Variants in ITGA9 observed in about 807,000 individuals in gnomAD.
The protein encoded by ITGA9 is integrin alpha-9.
ITGA9 carries 56 observed loss-of-function variants against 127.8 expected under a neutral mutation model. The observed-to-expected ratio is 0.44, with a 90% CI of 0.35 to 0.55. The LOEUF (loss-of-function observed/expected upper bound fraction) is 0.55, where lower values mean the gene tolerates loss of function less well. ITGA9 is among the 20% of genes least tolerant of loss of function. The pLI, the probability that ITGA9 is intolerant of heterozygous loss-of-function variation, is 0.00. For missense variants in ITGA9, 1,196 were observed against 1,347.1 expected (o/e 0.89, Z 1.76); for synonymous variants, 508 against 514.5 (o/e 0.99, Z 0.17).
intron 27 of ITGA9, among the ~76,000 whole-genome samples, chr3:37,809,915 C>T (rs376009736): frequency 4.1e-4 from 63 of 152,260 alleles, no homozygotes; most frequent in South Asian, 1.0e-3. Context: ...TTGACTTATA[C>T]GGGAGGTCTT....
chr3:37,686,780 C>T (rs1027065056), intron 18 of ITGA9, among the ~76,000 whole-genome samples: 22 of 152,246 alleles, frequency 1.4e-4, no homozygotes, highest in African/African-American at 4.8e-4. Flanking sequence ...ATGGGCAAGA[C>T]GACCCTCAGG....
chr3:37,698,721 G>T (rs535726294), intron 18 of ITGA9, among the ~76,000 whole-genome samples: 63 of 152,096 alleles, frequency 4.1e-4, no homozygotes, highest in Admixed American at 7.9e-4. Context: ...TGGCTCAAAG[G>T]GTCACTGTTT....
At chr3:37,617,088 C>T (rs1018463212) in intron 15 of ITGA9, among the ~76,000 whole-genome samples, 16 of 152,208 alleles carry the variant, frequency 1.1e-4, no homozygotes, top group African/African-American at 3.9e-4. Flanking sequence ...CATGTTTTTG[C>T]AGTGGCTGGT....
chr3:37,701,772 T>C (rs1225788218), intron 18 of ITGA9, among the ~76,000 whole-genome samples: 1 of 152,180 alleles, frequency 6.6e-6, no homozygotes, highest in Non-Finnish European at 1.5e-5. Flanking sequence ...ACTTCTGGCT[T>C]CTCAGTGACT....
chr3:37,467,058 A>G (rs1384468040), intron 1 of ITGA9, among the ~76,000 whole-genome samples: 2 of 152,080 alleles, frequency 1.3e-5, no homozygotes, highest in Non-Finnish European at 2.9e-5. Context: ...TTCAGAAAAG[A>G]CTCACTCATG....
At chr3:37,634,339 A>C (rs1232647925) in intron 16 of ITGA9, among the ~76,000 whole-genome samples, 1 of 151,756 alleles carries the variant, frequency 6.6e-6, no homozygotes, top group African/African-American at 2.4e-5. Flanking sequence ...AAAAAACAAG[A>C]CCTAACTATA....
chr3:37,488,732 C>T (rs370923456), intron 4 of ITGA9, among the ~76,000 whole-genome samples: 15 of 150,218 alleles, frequency 1.0e-4, no homozygotes, highest in East Asian at 7.8e-4. Flanking sequence ...TGGGAGGCGG[C>T]GGTTGTGGTG....
chr3:37,810,964 T>G (rs936592823), intron 27 of ITGA9, among the ~76,000 whole-genome samples: 2 of 152,224 alleles, frequency 1.3e-5, no homozygotes, highest in Admixed American at 6.5e-5. Context: ...TCTGACCCTG[T>G]GCAGCTCCTG....
At chr3:37,579,436 GAGA>G (rs1382748087) in intron 15 of ITGA9, among the ~76,000 whole-genome samples, 1 of 152,152 alleles carries the variant, frequency 6.6e-6, no homozygotes, top group East Asian at 1.9e-4. Flanking sequence ...AGAAGGAAGA[GAGA>G]AGATTACAAA....
chr3:37,634,025 AC>A (rs1463427058), intron 16 of ITGA9, among the ~76,000 whole-genome samples: 1 of 152,214 alleles, frequency 6.6e-6, no homozygotes, highest in African/African-American at 2.4e-5. Flanking sequence ...TGATAAAATA[AC>A]CAGTTATAAC....
intron 18 of ITGA9, among the ~76,000 whole-genome samples, chr3:37,723,429 C>T (rs1010930595): frequency 1.3e-5 from 2 of 152,158 alleles, no homozygotes; most frequent in South Asian, 2.1e-4. Context: ...AGTGCGATCT[C>T]GGCTCACTGC....
At chr3:37,465,009 C>A (rs759934424) in intron 1 of ITGA9, among the ~76,000 whole-genome samples, 3 of 152,222 alleles carry the variant, frequency 2.0e-5, no homozygotes, top group Non-Finnish European at 4.4e-5. Flanking sequence ...ACTCATGTAA[C>A]CAAAACGTGG....
In ITGA9 at chr3:37,822,325, A is replaced by C. The variant is rs748951779; in HGVS notation, c.*3336A>C. ...TAAAACAGTGCCCCTTTTTTAAAAA[A>C]AGTTTTGCTTATGCTTAATTTACAT... On this transcript the variant is annotated 3_prime_UTR_variant, in exon 28 of 28. Transcript: ENST00000264741. 6 of 150,738 alleles carry C rather than the reference A, an allele frequency of 4.0e-5. No homozygotes were observed. Among genetic ancestry groups the C allele is most frequent in the Admixed American group, 6.6e-5 (1 of 15,128 alleles). 9.3% of individuals were successfully genotyped at this position (150,738 alleles called of 1,614,324 possible). A position where few individuals can be genotyped will look rare whatever the true frequency, so the allele number is the denominator to read the frequency against.
chr3:37,552,554 A>G (rs1483063529), intron 15 of ITGA9, among the ~76,000 whole-genome samples: 1 of 152,062 alleles, frequency 6.6e-6, no homozygotes, highest in Non-Finnish European at 1.5e-5. Flanking sequence ...TAAATATTTG[A>G]TTGGCCTGAA....
At chr3:37,667,598 C>T (rs112395890) in intron 17 of ITGA9, among the ~76,000 whole-genome samples, 47 of 152,282 alleles carry the variant, frequency 3.1e-4, no homozygotes, top group East Asian at 2.3e-3. Context: ...GCAGCTCAGG[C>T]GTAAGCACAA....
At chr3:37,647,414 C>T (rs1033156517) in intron 16 of ITGA9, among the ~76,000 whole-genome samples, 2 of 148,602 alleles carry the variant, frequency 1.3e-5, no homozygotes, top group Non-Finnish European at 3.0e-5. Flanking sequence ...GAAATGGCTA[C>T]TATGGTCAAG....
At chr3:37,703,605 A>G (rs1700972145) in intron 18 of ITGA9, among the ~76,000 whole-genome samples, 1 of 152,178 alleles carries the variant, frequency 6.6e-6, no homozygotes, top group Admixed American at 6.5e-5. Context: ...ATTTCTCTGT[A>G]ATTTTCTTTC....
chr3:37,470,959 A>G lies in ITGA9; in HGVS notation c.186-48A>G, dbSNP rs773807253. The G allele has an allele frequency of 2.4e-5, 39 of 1,611,370 alleles. No individual in the cohort carries two copies. In the East Asian group the frequency reaches 8.0e-4, roughly 33 times the overall value. ...GTGAATACTTAGCCATCTGCCTCCT[A>G]TTTTCTTATCGTAGGTTGTGACAGA... On this transcript the variant is annotated intron_variant, in intron 1 of 27. Transcript: ENST00000264741.
intron 16 of ITGA9, among the ~76,000 whole-genome samples, chr3:37,631,139 C>G (rs925033826): frequency 1.3e-5 from 2 of 152,096 alleles, no homozygotes; most frequent in African/African-American, 4.8e-5. Flanking sequence ...ATAAACTTAC[C>G]CATACTTGGG....
Sources: allele counts gnomAD v4.1 joint callset (sites outside exome capture counted in the v4.1 genomes callset), GRCh38; gene constraint gnomAD v4.1.1; transcripts MANE v1.5; gene names NCBI Gene and HGNC (gene_info 2026-07-23, HGNC 2026-07-21).